The following C6 variants were observed in gnomAD, a reference collection of about 807,000 sequenced individuals.
The protein encoded by C6 is complement component C6.
C6 carries 101 observed loss-of-function variants against 112.9 expected under a neutral mutation model. The ratio of observed to expected loss-of-function variants is 0.89; its 90% CI spans 0.76 to 1.06. C6 has a LOEUF of 1.06. C6 is among the 50% of genes least tolerant of loss of function. The probability of loss-of-function intolerance (pLI) is 0.00; values close to 1 mark genes in which losing one functional copy is unlikely to be tolerated. For synonymous variants in C6, 431 were observed against 384.1 expected (o/e 1.12, Z -1.43); for missense variants, 1,202 against 1,104.6 (o/e 1.09, Z -1.25).
At chr5:41,178,227 T>C (rs1195951566) in intron 7 of C6, among the ~76,000 whole-genome samples, 1 of 152,166 alleles carries the variant, frequency 6.6e-6, no homozygotes, top group Admixed American at 6.5e-5. Flanking sequence ...ATTATTGTGG[T>C]TTCCATTTTG....
intron 13 of C6, among the ~76,000 whole-genome samples, chr5:41,156,854 C>A (rs1746959674): frequency 6.6e-6 from 1 of 151,976 alleles, no homozygotes. Context: ...TTTCTTGTTT[C>A]TTATGAATCT....
chr5:41,159,482 C>CAACA, intron 11 of C6: 1 of 985,140 alleles, frequency 1.0e-6, no homozygotes, highest in Middle Eastern at 5.2e-4. Flanking sequence ...CAACAAATGG[C>CAACA]AATCATTATG....
intron 9 of C6, among the ~76,000 whole-genome samples, chr5:41,168,419 T>C (rs1437085207): frequency 6.6e-6 from 1 of 152,140 alleles, no homozygotes; most frequent in Non-Finnish European, 1.5e-5. Flanking sequence ...TAACATATTA[T>C]GAGAGTGTTT....
intron 9 of C6, among the ~76,000 whole-genome samples, chr5:41,164,534 C>G (rs952552686): frequency 6.6e-6 from 1 of 152,132 alleles, no homozygotes; most frequent in African/African-American, 2.4e-5. Context: ...GGAAATTAGA[C>G]TTCATTCTTC....
At chr5:41,244,715 A>AT (rs10710295) in intron 1 of C6, among the ~76,000 whole-genome samples, 59,794 of 150,578 alleles carry the variant, frequency 0.4, 11,985 homozygotes, top group Non-Finnish European at 0.42. Flanking sequence ...AGTCAAACAC[A>AT]TTTTTTTTTT....
At chr5:41,193,639 G>A (rs895488631) in intron 5 of C6, among the ~76,000 whole-genome samples, 2 of 151,972 alleles carry the variant, frequency 1.3e-5, no homozygotes, top group African/African-American at 4.8e-5. Flanking sequence ...CACACACTAA[G>A]CCTGGGTAAA....
intron 9 of C6, 30 bp downstream of exon 9, chr5:41,172,195 G>T (rs1456340090): frequency 1.9e-6 from 3 of 1,612,366 alleles, no homozygotes; most frequent in Admixed American, 1.7e-5. Flanking sequence ...AGGGCACACT[G>T]GATAAGCTGC....
At chr5:41,223,198 T>C (rs888212948) in intron 1 of C6, among the ~76,000 whole-genome samples, 2 of 152,108 alleles carry the variant, frequency 1.3e-5, no homozygotes, top group African/African-American at 4.8e-5. Flanking sequence ...GTTACCACAC[T>C]GGGCACTGGG....
rs563118148 is a variant in C6, at chr5:41,176,647, C to G, written c.996G>C (p.Leu332=). The change falls in exon 8 of 18, where the codon CTG becomes CTC. Residue 332 remains leucine, a synonymous_variant. Coordinates refer to ENST00000337836, the MANE Select transcript of C6 (RefSeq NM_000065.5). The stretch of plus-strand genomic sequence containing the variant: ...CTTTCAAAAAGACATCAGAAAGGTG[C>G]AGATCTTTAGCTTTCGTTGTGAAGT... ...VLNFTTKAKD[L]HLSDVFLKAL... The G allele has an allele frequency of 7.2e-5, 116 of 1,613,672 alleles. No individual in the cohort carries two copies. The highest frequency in any genetic ancestry group is 1.3e-4 in the Admixed American group (8 of 60,002).
At chr5:41,217,629 T>G (rs762145013), upstream of C6, among the ~76,000 whole-genome samples, 3 of 152,146 alleles carry the variant, frequency 2.0e-5, no homozygotes, top group Non-Finnish European at 4.4e-5. Flanking sequence ...TGGAATAAAC[T>G]CTTTGGTGAT....
At chr5:41,199,692 G>A (rs1580173081) in intron 4 of C6, 76 bp downstream of exon 4, 3 of 1,375,560 alleles carry the variant, frequency 2.2e-6, no homozygotes, top group South Asian at 2.3e-5. Context: ...GGATTCTACT[G>A]TTAGTCAATT....
intron 1 of C6, among the ~76,000 whole-genome samples, chr5:41,231,347 T>C (rs62361636): frequency 0.034 from 5,246 of 152,226 alleles, 158 homozygotes; most frequent in Non-Finnish European, 0.05. Flanking sequence ...CTTTTTAATG[T>C]ACATACTATA....
chr5:41,211,891 ACT>A (rs1580206421), intron 1 of C6, among the ~76,000 whole-genome samples: 1 of 152,292 alleles, frequency 6.6e-6, no homozygotes, highest in East Asian at 1.9e-4. Flanking sequence ...CTCAGCAGAC[ACT>A]GTCTTTTAAC....
chr5:41,201,734 G>A lies in C6; in HGVS notation c.144-20C>T. The A allele has an allele frequency of 1.9e-6, 3 of 1,610,156 alleles. No individual in the cohort carries two copies. The highest frequency in any genetic ancestry group is 2.5e-6 in the Non-Finnish European group (3 of 1,176,914). The stretch of plus-strand genomic sequence containing the variant: ...ATTTGTCTGTAACCATGAAGAAGAA[G>A]TTGCTTAGAATGAGTGTATTCACCA... On this transcript the variant is annotated intron_variant, in intron 2 of 17. Coordinates refer to ENST00000337836, the MANE Select transcript of C6 (RefSeq NM_000065.5).
At chr5:41,217,090 C>T (rs1480846396), upstream of C6, among the ~76,000 whole-genome samples, 3 of 152,062 alleles carry the variant, frequency 2.0e-5, no homozygotes, top group South Asian at 2.1e-4. Flanking sequence ...ACTTTTTCTT[C>T]CCCAATCACA....
intron 1 of C6, among the ~76,000 whole-genome samples, chr5:41,249,008 A>G (rs1289552596): frequency 2.0e-5 from 3 of 152,240 alleles, no homozygotes; most frequent in Admixed American, 6.5e-5. Context: ...TTTCAGCAAC[A>G]TAGATACAGC....
intron 1 of C6, among the ~76,000 whole-genome samples, chr5:41,242,495 A>G (rs1251290373): frequency 6.6e-6 from 1 of 152,194 alleles, no homozygotes; most frequent in Non-Finnish European, 1.5e-5. Flanking sequence ...TAGCAGTATG[A>G]AAACAGAATA....
chr5:41,233,570 C>T (rs1258223973), intron 1 of C6, among the ~76,000 whole-genome samples: 1 of 152,066 alleles, frequency 6.6e-6, no homozygotes, highest in African/African-American at 2.4e-5. Context: ...TGCAGCTATT[C>T]TCATTACAGC....
At chr5:41,235,316 A>G (rs1740213468) in intron 1 of C6, among the ~76,000 whole-genome samples, 1 of 143,076 alleles carries the variant, frequency 7.0e-6, no homozygotes, top group Non-Finnish European at 1.5e-5. Context: ...TATGCGTGAG[A>G]ATATGCGGTG....
Sources: gnomAD v4.1 joint callset for allele counts (sites outside exome capture counted in the v4.1 genomes callset) on GRCh38, gnomAD v4.1.1 for gene constraint, MANE v1.5 for transcripts, NCBI Gene and HGNC (gene_info 2026-07-23, HGNC 2026-07-21) for gene names.